PATJ: variants seen among roughly 807,000 people sequenced by gnomAD.
PATJ encodes the protein inaD-like protein.
Under a neutral mutation model 224.9 loss-of-function variants are expected in PATJ, and 190 were observed. That is an observed-to-expected ratio of 0.84 (90% confidence interval 0.75 to 0.95). The LOEUF is 0.95. PATJ is among the 40% of genes least tolerant of loss of function. The pLI is 0.00. For synonymous variants in PATJ, 769 were observed against 820.3 expected (o/e 0.94, Z 1.07); for missense variants, 2,121 against 2,270.3 (o/e 0.93, Z 1.34).
rs564851602 is a variant in PATJ at position 61,754,380 on chromosome 1, C to T, written c.-35-8478C>T. On this transcript the variant is annotated intron_variant, in intron 1 of 43. Coordinates refer to ENST00000642238, the MANE Select transcript of PATJ (RefSeq NM_001350145.3). ...GTGAGTTGTAGAGTTACTTGTGTTT[C>T]TTCCTTTTCTTGTCATATACTCTTT... is the stretch of plus-strand genomic sequence containing the variant. Among the ~76,000 whole-genome samples, 6 of 152,100 alleles carry T rather than the reference C, an allele frequency of 3.9e-5. No homozygotes were observed. In the South Asian group the frequency reaches 1.2e-3, roughly 32 times the overall value.
chr1:62,108,509 C>G lies in PATJ; in HGVS notation c.4450C>G (p.Gln1484Glu), dbSNP rs748123649. The G allele has an allele frequency of 1.9e-6, 3 of 1,604,072 alleles. No homozygotes were observed. The highest frequency in any genetic ancestry group is 2.7e-5 in the African/African-American group (2 of 74,684). Residue 1484 changes from glutamine (Q) to glutamate (E), a missense_variant, in exon 34 of 44, where the codon CAG becomes GAG. Physicochemically the swap from Gln to Glu is conservative, Grantham distance 29. Transcript: ENST00000642238. ...AGATGGAAGACTTTGGGCTGGTGAC[C>G]AGATATTAGAGGTATATGGTTTTGA... ...ARDGRLWAGD[Q>E]ILEVNGVDLR...
intron 4 of PATJ, among the ~76,000 whole-genome samples, chr1:61,766,919 C>A (rs1646313557): frequency 6.6e-6 from 1 of 152,054 alleles, no homozygotes; most frequent in South Asian, 2.1e-4. Flanking sequence ...ATGGCAAAAC[C>A]CTGTCTCTAC....
intron 40 of PATJ, among the ~76,000 whole-genome samples, chr1:62,128,616 C>T (rs926247696): frequency 1.1e-4 from 16 of 152,278 alleles, no homozygotes; most frequent in South Asian, 4.1e-4. Context: ...CCTACTGTGC[C>T]TTTTAATAAT....
intron 41 of PATJ, among the ~76,000 whole-genome samples, chr1:62,133,036 T>C (rs958031220): frequency 3.1e-4 from 47 of 152,184 alleles, no homozygotes; most frequent in African/African-American, 1.0e-3. Flanking sequence ...CAAGTAGAAC[T>C]TAGAAATGAT....
At chr1:62,075,874 C>T (rs1376342387) in intron 31 of PATJ, among the ~76,000 whole-genome samples, 5 of 150,912 alleles carry the variant, frequency 3.3e-5, no homozygotes, top group East Asian at 2.0e-4. Context: ...CCAGAGATCG[C>T]GCCACTGCAC....
chr1:61,798,944 A>G (rs372075020), intron 11 of PATJ, among the ~76,000 whole-genome samples: 2 of 152,194 alleles, frequency 1.3e-5, no homozygotes, highest in East Asian at 3.9e-4. Context: ...CTTCAATTAG[A>G]ATTTGACAGA....
At chr1:61,851,487 G>C (rs1662795451) in intron 17 of PATJ, among the ~76,000 whole-genome samples, 1 of 152,126 alleles carries the variant, frequency 6.6e-6, no homozygotes, top group South Asian at 2.1e-4. Flanking sequence ...CTGGGATAAA[G>C]TGTTGGGCAA....
At chr1:62,082,281 T>G (rs1659380781) in intron 32 of PATJ, among the ~76,000 whole-genome samples, 1 of 152,224 alleles carries the variant, frequency 6.6e-6, no homozygotes, top group Admixed American at 6.5e-5. Context: ...GAACAAGATA[T>G]GTGAATACCC....
rs562312923 is a variant in PATJ at position 61,841,730 on chromosome 1, G to A, written c.2112+7945G>A. ...CAGATATATCATATGCCTTACTGTT[G>A]AACAAACCACACAGCTGCATTTAAA... On this transcript the variant is annotated intron_variant, in intron 17 of 43. Coordinates refer to ENST00000642238, the MANE Select transcript of PATJ (RefSeq NM_001350145.3). Among the ~76,000 whole-genome samples the A allele has an allele frequency of 1.3e-4, 19 of 151,734 alleles. No homozygotes were observed. The South Asian group carries it at 4.0e-3, about 32-fold the overall frequency.
intron 27 of PATJ, among the ~76,000 whole-genome samples, chr1:61,969,964 G>A (rs1418585917): frequency 6.6e-6 from 1 of 152,128 alleles, no homozygotes; most frequent in Admixed American, 6.5e-5. Flanking sequence ...AAAGTGCTGG[G>A]ATTACAGACA....
intron 27 of PATJ, among the ~76,000 whole-genome samples, chr1:61,928,947 T>C (rs1325806173): frequency 6.6e-6 from 1 of 152,238 alleles, no homozygotes; most frequent in Admixed American, 6.5e-5. Flanking sequence ...ATCTGCTTTT[T>C]AGTAACAGTG....
intron 39 of PATJ, among the ~76,000 whole-genome samples, chr1:62,123,795 T>C (rs1665387387): frequency 7.2e-6 from 1 of 138,660 alleles, no homozygotes; most frequent in African/African-American, 2.8e-5. Context: ...TATAAGTTTC[T>C]TAACCAGTTT....
intron 41 of PATJ, among the ~76,000 whole-genome samples, chr1:62,136,679 G>C (rs1402632747): frequency 1.3e-5 from 2 of 150,060 alleles, no homozygotes; most frequent in African/African-American, 2.5e-5. Flanking sequence ...GTGTGTGTGT[G>C]TGTGTGTGTG....
At position 62,058,806 on chromosome 1, in the gene PATJ, G is replaced by A. The variant is rs563903504; in HGVS notation, c.4125+7748G>A. Among the ~76,000 whole-genome samples, 20 of 152,258 alleles carry A rather than the reference G, an allele frequency of 1.3e-4. No individual in the cohort carries two copies. In the East Asian group the frequency reaches 2.7e-3, roughly 21 times the overall value. On this transcript the variant is annotated intron_variant, in intron 31 of 43. Transcript: ENST00000642238. ...TAGGCATGTGAAGATAAGTAAGACCGCTTTCATGTCCAGGAGTGTGCCACA... is the reference window on the plus strand; with the variant it reads ...TAGGCATGTGAAGATAAGTAAGACCACTTTCATGTCCAGGAGTGTGCCACA...
intron 42 of PATJ, among the ~76,000 whole-genome samples, chr1:62,149,593 C>T (rs538461166): frequency 1.4e-5 from 2 of 145,212 alleles, no homozygotes; most frequent in African/African-American, 2.6e-5. Context: ...TTTCAAATTA[C>T]GGTGGCCTTT....
intron 27 of PATJ, among the ~76,000 whole-genome samples, chr1:61,955,926 A>C (rs1304901055): frequency 1.3e-5 from 2 of 152,230 alleles, no homozygotes; most frequent in East Asian, 1.9e-4. Context: ...ACAAAGAGAC[A>C]TATAATTGGA....
At chr1:62,070,410 G>C (rs1657187763) in intron 31 of PATJ, among the ~76,000 whole-genome samples, 1 of 152,122 alleles carries the variant, frequency 6.6e-6, no homozygotes, top group Non-Finnish European at 1.5e-5. Flanking sequence ...GTGCATTTAA[G>C]ATTTAAGTTC....
chr1:62,099,934 G>GT (rs1346073287), intron 33 of PATJ, among the ~76,000 whole-genome samples: 2 of 152,290 alleles, frequency 1.3e-5, no homozygotes, highest in African/African-American at 4.8e-5. Context: ...TTATCTACCT[G>GT]TTGGCAGCTT....
Position 61,927,710 on chromosome 1 carries a change from C to G in PATJ, c.3571-20C>G, listed in dbSNP as rs1352432287. ...TGTACAAGAAGCATTTAACCCTTCTCTCAAATTTTGCATCTTCAGAGGCAA... is the reference window on the plus strand; with the variant it reads ...TGTACAAGAAGCATTTAACCCTTCTGTCAAATTTTGCATCTTCAGAGGCAA... On this transcript the variant is annotated intron_variant, in intron 26 of 43. Transcript: ENST00000642238. The G allele has an allele frequency of 2.0e-6, 3 of 1,516,626 alleles. No individual in the cohort carries two copies. The South Asian group carries it at 3.4e-5, about 17-fold the overall frequency. The allele number at this position is 1,516,626 out of a possible 1,614,324, so 93.9% of individuals were successfully genotyped here. A position where few individuals can be genotyped will look rare whatever the true frequency, so the allele number is the denominator to read the frequency against.
Sources: allele counts gnomAD v4.1 joint callset (sites outside exome capture counted in the v4.1 genomes callset), GRCh38; gene constraint gnomAD v4.1.1; transcripts MANE v1.5; gene names NCBI Gene and HGNC (gene_info 2026-07-23, HGNC 2026-07-21).